ATL2: variants seen among roughly 807,000 people sequenced by gnomAD.
ATL2 encodes atlastin GTPase 2.
A neutral mutation model predicts 73.9 loss-of-function variants in ATL2; 31 were observed. The observed-to-expected ratio is 0.42, with a 90% CI of 0.32 to 0.57. The LOEUF is 0.57. ATL2 is among the 20% of genes least tolerant of loss of function. The pLI is 0.14. For missense variants in ATL2, 738 were observed against 702.6 expected (o/e 1.05, Z -0.57); for synonymous variants, 291 against 237.5 (o/e 1.23, Z -2.07).
intron 2 of ATL2, among the ~76,000 whole-genome samples, chr2:38,325,627 T>TAC (rs768444431): frequency 0.015 from 803 of 53,432 alleles, 36 homozygotes; most frequent in South Asian, 0.028. Context: ...CACCAGTACA[T>TAC]ACACACACAC....
At chr2:38,377,370 C>T (rs1672053445), upstream of ATL2, 6 of 824,592 alleles carry the variant, frequency 7.3e-6, no homozygotes, top group African/African-American at 4.1e-5. Flanking sequence ...CGCTCTCCGC[C>T]TGTATCTCCT....
At chr2:38,330,721 T>A (rs747401043) in intron 2 of ATL2, among the ~76,000 whole-genome samples, 8 of 152,084 alleles carry the variant, frequency 5.3e-5, no homozygotes, top group Non-Finnish European at 1.2e-4. Context: ...TATAAAAAAA[T>A]GTTTGGATCT....
chr2:38,300,975 C>T (rs72900299), intron 9 of ATL2, among the ~76,000 whole-genome samples: 7,525 of 140,902 alleles, frequency 0.053, 721 homozygotes, highest in African/African-American at 0.19. Flanking sequence ...TCTCAACTTT[C>T]TTTTTTTTTT....
At chr2:38,372,631 A>T (rs1671753036) in intron 1 of ATL2, among the ~76,000 whole-genome samples, 2 of 152,234 alleles carry the variant, frequency 1.3e-5, no homozygotes, top group African/African-American at 4.8e-5. Flanking sequence ...TCTAAAATGC[A>T]CATTTATTAA....
At chr2:38,318,054 G>C (rs944063886) in intron 4 of ATL2, among the ~76,000 whole-genome samples, 29 of 152,182 alleles carry the variant, frequency 1.9e-4, no homozygotes, top group Non-Finnish European at 5.9e-5. Context: ...CTACTCAGGA[G>C]GCTGAGGCAG....
chr2:38,366,770 T>C (rs924133875), intron 1 of ATL2, among the ~76,000 whole-genome samples: 3 of 152,218 alleles, frequency 2.0e-5, no homozygotes, highest in Admixed American at 6.5e-5. Flanking sequence ...GTATTCACTA[T>C]AAGCAGCTCA....
At chr2:38,320,957 C>T (rs1179888221) in intron 2 of ATL2, among the ~76,000 whole-genome samples, 3 of 149,282 alleles carry the variant, frequency 2.0e-5, no homozygotes, top group Admixed American at 6.7e-5. Flanking sequence ...CCAGCCTGGC[C>T]TTGGTGAAAC....
At chr2:38,373,361 G>C (rs752158562) in intron 1 of ATL2, among the ~76,000 whole-genome samples, 3 of 152,212 alleles carry the variant, frequency 2.0e-5, no homozygotes, top group Non-Finnish European at 2.9e-5. Context: ...TAGCCTCTAA[G>C]TGGTTGTTTG....
chr2:38,332,042 T>A (rs905031869), intron 2 of ATL2, among the ~76,000 whole-genome samples: 2 of 152,166 alleles, frequency 1.3e-5, no homozygotes, highest in African/African-American at 4.8e-5. Flanking sequence ...GAAAACATTA[T>A]GCTAAGTGAA....
chr2:38,340,413 G>C (rs1002796873), intron 2 of ATL2, among the ~76,000 whole-genome samples: 1 of 152,012 alleles, frequency 6.6e-6, no homozygotes, highest in Admixed American at 6.6e-5. Context: ...TAGAAGTGGG[G>C]GGGGCAGGGC....
intron 2 of ATL2, among the ~76,000 whole-genome samples, chr2:38,319,615 AAGAGAGAG>A (rs74780180): frequency 1.3e-4 from 20 of 149,402 alleles, no homozygotes; most frequent in African/African-American, 5.0e-4. Flanking sequence ...AAAAAAAAAA[AAGAGAGAG>A]AGAGAGAGAG....
intron 1 of ATL2, among the ~76,000 whole-genome samples, chr2:38,348,760 C>T (rs1169748587): frequency 5.3e-5 from 8 of 151,682 alleles, no homozygotes; most frequent in African/African-American, 1.9e-4. Flanking sequence ...AGAAAATTTT[C>T]GCAACCTACT....
At chr2:38,340,046 C>A (rs1669614705) in intron 2 of ATL2, among the ~76,000 whole-genome samples, 1 of 151,758 alleles carries the variant, frequency 6.6e-6, no homozygotes, top group South Asian at 2.1e-4. Context: ...GAGTACATCT[C>A]AAAGTTATAA....
chr2:38,300,355 T>G (rs41280635), intron 9 of ATL2, 27 bp from the exon 10 acceptor site: 21,785 of 1,549,890 alleles, frequency 0.014, 175 homozygotes, highest in Non-Finnish European at 0.016. Flanking sequence ...TTTGTTAGAC[T>G]GACGGATTAT....
chr2:38,300,231 A>G (rs1159093017), intron 10 of ATL2, 41 bp downstream of exon 10: 1 of 1,460,382 alleles, frequency 6.8e-7, no homozygotes, highest in South Asian at 1.3e-5. Flanking sequence ...TCCCTCATAA[A>G]TAAGTATATG....
chr2:38,362,776 C>G (rs1045263642), intron 1 of ATL2, among the ~76,000 whole-genome samples: 4 of 152,112 alleles, frequency 2.6e-5, no homozygotes, highest in Admixed American at 2.0e-4. Context: ...CAATAGAAAA[C>G]ATATGTGTGA....
In ATL2 at chr2:38,306,770, C is replaced by G. The variant is rs544067228; in HGVS notation, c.1071+2609G>C. Reference sequence around the variant, plus strand: ...TCAACATAATAAAAGCTGTATACAACAGACCCACAGCTAGTATCTTACTGA... The same window carrying G: ...TCAACATAATAAAAGCTGTATACAAGAGACCCACAGCTAGTATCTTACTGA... On this transcript the variant is annotated intron_variant, in intron 9 of 12. Coordinates refer to ENST00000378954, the MANE Select transcript of ATL2 (RefSeq NM_001135673.4). 1.4e-4 allele frequency among the ~76,000 whole-genome samples: 22 copies of G among 152,268 alleles called. No homozygotes were observed. In the South Asian group the frequency reaches 4.4e-3, roughly 30 times the overall value.
chr2:38,323,637 G>A (rs1201523028), intron 2 of ATL2, among the ~76,000 whole-genome samples: 1 of 152,020 alleles, frequency 6.6e-6, no homozygotes, highest in African/African-American at 2.4e-5. Flanking sequence ...TTTTACCAAA[G>A]GAAAGGTATA....
intron 10 of ATL2, 83 bp from the exon 11 acceptor site, chr2:38,299,410 A>G: frequency 7.6e-7 from 1 of 1,315,946 alleles, no homozygotes; most frequent in Non-Finnish European, 1.0e-6. Flanking sequence ...GTTATGTACA[A>G]TAAACAAGTC....
Sources: allele counts gnomAD v4.1 joint callset (sites outside exome capture counted in the v4.1 genomes callset), GRCh38; gene constraint gnomAD v4.1.1; transcripts MANE v1.5; gene names NCBI Gene and HGNC (gene_info 2026-07-23, HGNC 2026-07-21).